CDH3: variants seen among roughly 807,000 people sequenced by gnomAD.
The protein encoded by CDH3 is cadherin 3.
In CDH3, 54 loss-of-function variants were observed where a neutral mutation model predicts 82.0. The ratio of observed to expected loss-of-function variants is 0.66; its 90% CI spans 0.53 to 0.83. The LOEUF (loss-of-function observed/expected upper bound fraction) is 0.83. CDH3 is among the 40% of genes least tolerant of loss of function. CDH3 has a pLI of 0.00. For missense variants in CDH3, 1,054 were observed against 1,084.6 expected (o/e 0.97, Z 0.40); for synonymous variants, 446 against 437.9 (o/e 1.02, Z -0.23).
chr16:68,698,440 C>T lies in CDH3; in HGVS notation c.*40C>T. The T allele has an allele frequency of 1.3e-6, 2 of 1,576,718 alleles. No homozygotes were observed. Among genetic ancestry groups the T allele is most frequent in the Non-Finnish European group, 8.7e-7 (1 of 1,147,234 alleles). On this transcript the variant is annotated 3_prime_UTR_variant, in exon 16 of 16. Coordinates refer to ENST00000264012, the MANE Select transcript of CDH3 (RefSeq NM_001793.6). ...GGGCTGGGGACCAAACGTCAGGCCA[C>T]AGAGCATCTCCAAGGGGTCTCAGTT...
At position 68,679,896 on chromosome 16, in the gene CDH3, G is replaced by C; in HGVS notation, c.789G>C (p.Lys263Asn). 5 of 1,614,044 alleles carry C rather than the reference G, an allele frequency of 3.1e-6. No individual in the cohort carries two copies. Among genetic ancestry groups the C allele is most frequent in the Non-Finnish European group, 4.2e-6 (5 of 1,179,962 alleles). Residue 263 changes from lysine to asparagine, a missense_variant, in exon 7 of 16, where the codon AAG becomes AAC. Coordinates refer to ENST00000264012, the MANE Select transcript of CDH3 (RefSeq NM_001793.6). Reference sequence around the variant, plus strand: ...ACTCCATCCATAGCCAAGAACCAAAGGACCCACACGACCTCATGTTCACCA... The same window carrying C: ...ACTCCATCCATAGCCAAGAACCAAACGACCCACACGACCTCATGTTCACCA... Reference protein sequence around the residue: ...VAYSIHSQEPKDPHDLMFTIH... With the variant: ...VAYSIHSQEPNDPHDLMFTIH...
intron 2 of CDH3, among the ~76,000 whole-genome samples, chr16:68,668,354 A>T (rs1454539523): frequency 1.3e-5 from 2 of 152,152 alleles, no homozygotes; most frequent in African/African-American, 2.4e-5. Context: ...TACTTCGCTG[A>T]CTATTAAAAG....
intron 2 of CDH3, among the ~76,000 whole-genome samples, chr16:68,666,145 C>G (rs1016710820): frequency 3.3e-5 from 5 of 151,786 alleles, no homozygotes; most frequent in African/African-American, 1.2e-4. Flanking sequence ...GCTTGCCTCC[C>G]CAGTATCCCA....
At chr16:68,718,242 G>A (rs2152110910) in intron 1 of CDH3, among the ~76,000 whole-genome samples, 1 of 152,264 alleles carries the variant, frequency 6.6e-6, no homozygotes, top group East Asian at 1.9e-4. Context: ...GAGCTCAAGT[G>A]ATCCTCCCAC....
At chr16:68,702,947 G>C (rs1344124467), downstream of CDH3, among the ~76,000 whole-genome samples, 1 of 152,054 alleles carries the variant, frequency 6.6e-6, no homozygotes, top group Non-Finnish European at 1.5e-5. Context: ...CTCCCAGCTT[G>C]TATTCTTATG....
intron 2 of CDH3, among the ~76,000 whole-genome samples, chr16:68,650,027 C>T (rs2152089234): frequency 6.6e-6 from 1 of 151,674 alleles, no homozygotes; most frequent in African/African-American, 2.4e-5. Flanking sequence ...GAGTGAGACT[C>T]CGCCTCAAAG....
chr16:68,661,700 T>G (rs1379957590), intron 2 of CDH3, among the ~76,000 whole-genome samples: 1 of 152,214 alleles, frequency 6.6e-6, no homozygotes, highest in East Asian at 1.9e-4. Flanking sequence ...TTTTTTTGTT[T>G]ATTTTGGAGA....
chr16:68,668,439 C>T (rs1211089130), intron 2 of CDH3, among the ~76,000 whole-genome samples: 19 of 152,254 alleles, frequency 1.2e-4, no homozygotes, highest in Admixed American at 1.2e-3. Flanking sequence ...GTGATACAAG[C>T]CAGTGGTGCC....
chr16:68,710,705 G>A (rs1256613884), intron 1 of CDH3, among the ~76,000 whole-genome samples: 1 of 151,354 alleles, frequency 6.6e-6, no homozygotes, highest in East Asian at 2.0e-4. Context: ...TTAGCCGAGT[G>A]TGGTGGCGGG....
At chr16:68,671,548 A>AG (rs1960883684) in intron 2 of CDH3, among the ~76,000 whole-genome samples, 1 of 106,240 alleles carries the variant, frequency 9.4e-6, no homozygotes. Context: ...TTTGAGATGG[A>AG]TCTTGCTCTG....
intron 1 of CDH3, among the ~76,000 whole-genome samples, chr16:68,719,498 T>C (rs1962136369): frequency 7.8e-6 from 1 of 128,848 alleles, no homozygotes. Context: ...ATGATGGAAC[T>C]GTTCTTTTTT....
In CDH3 at chr16:68,654,711, A is replaced by ATAT. The variant is rs921226592; in HGVS notation, c.160+8961_160+8962insTAT. On this transcript the variant is annotated intron_variant, in intron 2 of 15. Coordinates refer to ENST00000264012, the MANE Select transcript of CDH3 (RefSeq NM_001793.6). ...GAGCAAGACTCTGTCTCAAAAAAAA[A>ATAT]AAATATATATATATATATATATATT... Among the ~76,000 whole-genome samples the ATAT allele has an allele frequency of 1.9e-4, 25 of 132,344 alleles. 1 individual carries two copies. The highest frequency in any genetic ancestry group is 3.5e-4 in the African/African-American group (12 of 33,964). The allele number at this position is 132,344 out of a possible 152,430, so 86.8% of individuals were successfully genotyped here. A position where few individuals can be genotyped will look rare whatever the true frequency, so the allele number is the denominator to read the frequency against.
chr16:68,698,219 C>A lies in CDH3; in HGVS notation c.2309C>A (p.Thr770Lys), dbSNP rs1332691489. Residue 770 changes from threonine to lysine, a missense_variant, in exon 16 of 16, where the codon ACA becomes AAA. By Grantham distance (78) the Thr-to-Lys change is moderately conservative. Transcript: ENST00000264012. Reference sequence around the variant, plus strand: ...CTGAAGGCGGCTAACACAGACCCCACAGCCCCGCCCTACGACACCCTCTTG... The same window carrying A: ...CTGAAGGCGGCTAACACAGACCCCAAAGCCCCGCCCTACGACACCCTCTTG... The part of the protein sequence containing the change: ...ENLKAANTDP[T>K]APPYDTLLVF... 1.2e-6 allele frequency: 2 copies of A among 1,614,116 alleles called. No homozygotes were observed. Among genetic ancestry groups the A allele is most frequent in the African/African-American group, 2.7e-5 (2 of 74,944 alleles).
At chr16:68,728,637 C>T (rs1369998706), downstream of CDH3, among the ~76,000 whole-genome samples, 2 of 152,118 alleles carry the variant, frequency 1.3e-5, no homozygotes, top group African/African-American at 2.4e-5. Context: ...TTTTGTTTAT[C>T]TCTTTGTTCC....
chr16:68,687,274 G>A (rs536778266), intron 11 of CDH3, among the ~76,000 whole-genome samples: 19 of 152,250 alleles, frequency 1.2e-4, no homozygotes, highest in East Asian at 7.7e-4. Context: ...GGTAGGTTTC[G>A]CCTTGTGGTT....
At chr16:68,677,497 G>T (rs1269897202) in intron 3 of CDH3, among the ~76,000 whole-genome samples, 1 of 152,214 alleles carries the variant, frequency 6.6e-6, no homozygotes, top group Non-Finnish European at 1.5e-5. Context: ...CAGCACTTTG[G>T]GAGGCCGAGG....
rs188353586 is a variant in CDH3 at position 68,659,108 on chromosome 16, A to G, written c.160+13358A>G. Among the ~76,000 whole-genome samples, 3 of 152,302 alleles carry G rather than the reference A, an allele frequency of 2.0e-5. No individual in the cohort carries two copies. In the East Asian group the frequency reaches 5.8e-4, roughly 29 times the overall value. On this transcript the variant is annotated intron_variant, in intron 2 of 15. Coordinates refer to ENST00000264012, the MANE Select transcript of CDH3 (RefSeq NM_001793.6). ...TCCTCAAACATCCCTTGAGGGAGGT[A>G]CTATTGTTGTCCCCGTTTTACAGGT...
At chr16:68,706,544 C>CTT (rs34364461) in intron 1 of CDH3, among the ~76,000 whole-genome samples, 1,201 of 81,674 alleles carry the variant, frequency 0.015, 148 homozygotes, top group Non-Finnish European at 0.021. Context: ...GTCACATTTC[C>CTT]TTTTTTTTTT....
At chr16:68,668,927 T>A (rs1024405020) in intron 2 of CDH3, among the ~76,000 whole-genome samples, 3 of 152,196 alleles carry the variant, frequency 2.0e-5, no homozygotes, top group Admixed American at 2.0e-4. Context: ...ACTATCCCAT[T>A]TAATCTTCCT....
Sources: allele counts gnomAD v4.1 joint callset (sites outside exome capture counted in the v4.1 genomes callset), GRCh38; gene constraint gnomAD v4.1.1; transcripts MANE v1.5; gene names NCBI Gene and HGNC (gene_info 2026-07-23, HGNC 2026-07-21).